The following WDPCP variants were observed in gnomAD, a reference collection of about 807,000 sequenced individuals.
WDPCP encodes WD repeat containing planar cell polarity effector.
Under a neutral mutation model 93.1 loss-of-function variants are expected in WDPCP, and 71 were observed. The observed-to-expected ratio is 0.76, with a 90% confidence interval of 0.63 to 0.93. The LOEUF is 0.93. WDPCP is among the 40% of genes least tolerant of loss of function. The pLI is 0.00. For missense variants in WDPCP, 844 were observed against 887.4 expected (o/e 0.95, Z 0.62); for synonymous variants, 315 against 315.0 (o/e 1.00, Z 0.00).
At chr2:63,274,856 T>C (rs1315712966) in intron 13 of WDPCP, among the ~76,000 whole-genome samples, 1 of 152,166 alleles carries the variant, frequency 6.6e-6, no homozygotes, top group African/African-American at 2.4e-5. Flanking sequence ...TGTTTTATTA[T>C]TGAATTCTAC....
intron 14 of WDPCP, among the ~76,000 whole-genome samples, chr2:63,179,705 A>G (rs192888420): frequency 6.6e-6 from 1 of 151,868 alleles, no homozygotes; most frequent in East Asian, 2.0e-4. Flanking sequence ...CATTTTTTTC[A>G]TTTTCATTTG....
At chr2:63,423,181 A>T (rs1389216048) in intron 9 of WDPCP, among the ~76,000 whole-genome samples, 1 of 152,104 alleles carries the variant, frequency 6.6e-6, no homozygotes, top group Admixed American at 6.5e-5. Context: ...CTATGCATTT[A>T]TTTTGTGTGG....
At chr2:63,465,393 G>C (rs1444170187) in intron 6 of WDPCP, among the ~76,000 whole-genome samples, 1 of 152,094 alleles carries the variant, frequency 6.6e-6, no homozygotes, top group Non-Finnish European at 1.5e-5. Flanking sequence ...CTGCACATCA[G>C]AGAAGTGACA....
chr2:63,305,487 C>CA (rs1315418673), intron 13 of WDPCP, among the ~76,000 whole-genome samples: 3 of 152,160 alleles, frequency 2.0e-5, no homozygotes, highest in Non-Finnish European at 4.4e-5. Flanking sequence ...GGAAAACTAA[C>CA]AAACAGAAAG....
At chr2:63,288,117 G>T (rs1317812523) in intron 13 of WDPCP, among the ~76,000 whole-genome samples, 1 of 152,180 alleles carries the variant, frequency 6.6e-6, no homozygotes, top group Non-Finnish European at 1.5e-5. Flanking sequence ...GGCACAGATG[G>T]CTGGAGAGCA....
intron 14 of WDPCP, among the ~76,000 whole-genome samples, chr2:63,210,875 G>C (rs1037314547): frequency 2.0e-5 from 3 of 152,216 alleles, no homozygotes; most frequent in Non-Finnish European, 4.4e-5. Flanking sequence ...AGCAGTCTGA[G>C]ATCAAACTGC....
chr2:63,280,051 T>C (rs1683405427), intron 13 of WDPCP, among the ~76,000 whole-genome samples: 1 of 152,198 alleles, frequency 6.6e-6, no homozygotes, highest in African/African-American at 2.4e-5. Context: ...ATGGCCATAC[T>C]GTCAAAAGCA....
At chr2:63,235,566 C>A (rs915943439) in intron 14 of WDPCP, among the ~76,000 whole-genome samples, 2 of 152,088 alleles carry the variant, frequency 1.3e-5, no homozygotes, top group African/African-American at 4.8e-5. Flanking sequence ...CACAGGCCAA[C>A]ATCCCTGATG....
At chr2:63,668,801 A>G (rs1710313459) in intron 2 of WDPCP, among the ~76,000 whole-genome samples, 1 of 152,004 alleles carries the variant, frequency 6.6e-6, no homozygotes, top group Non-Finnish European at 1.5e-5. Flanking sequence ...GTTCTCTTCT[A>G]GGTTTATATC....
At chr2:63,181,401 C>A (rs1674229590) in intron 14 of WDPCP, among the ~76,000 whole-genome samples, 2 of 152,024 alleles carry the variant, frequency 1.3e-5, no homozygotes, top group African/African-American at 2.4e-5. Flanking sequence ...CAGTTTCATT[C>A]TTCTGCACAG....
At position 63,423,208 on chromosome 2, in the gene WDPCP, T is replaced by C. The variant is rs139619308; in HGVS notation, c.825+10537A>G. Reference sequence around the variant, plus strand: ...TTTGTGTGGTTTTATGTGTGCTTTATTTTATAATAAAGAGGTTTCTTTAAA... The same window carrying C: ...TTTGTGTGGTTTTATGTGTGCTTTACTTTATAATAAAGAGGTTTCTTTAAA... On this transcript the variant is annotated intron_variant, in intron 9 of 17. Transcript: ENST00000272321. Among the ~76,000 whole-genome samples the C allele has an allele frequency of 3.8e-3, 579 of 152,350 alleles. 4 individuals carry two copies. The highest frequency in any genetic ancestry group is 0.013 in the African/African-American group (542 of 41,570).
At chr2:63,437,623 AC>A (rs1697224835) in intron 7 of WDPCP, 69 bp from the exon 8 acceptor site, 4 of 1,389,838 alleles carry the variant, frequency 2.9e-6, no homozygotes, top group Non-Finnish European at 3.9e-6. Flanking sequence ...CTGATATGTT[AC>A]AAAAAGCTAT....
intron 9 of WDPCP, among the ~76,000 whole-genome samples, chr2:63,418,971 C>T (rs951580557): frequency 6.6e-5 from 10 of 151,994 alleles, no homozygotes; most frequent in African/African-American, 1.4e-4. Flanking sequence ...TTTTGTTTTT[C>T]TTGTTTGTTT....
At chr2:63,638,634 A>T (rs556650720) in intron 3 of WDPCP, among the ~76,000 whole-genome samples, 5 of 152,006 alleles carry the variant, frequency 3.3e-5, no homozygotes, top group Non-Finnish European at 7.4e-5. Context: ...TATAAAATTT[A>T]AAAAATTGAC....
intron 17 of WDPCP, among the ~76,000 whole-genome samples, chr2:63,123,251 C>T (rs537000004): frequency 8.5e-5 from 13 of 152,156 alleles, no homozygotes; most frequent in Admixed American, 2.6e-4. Flanking sequence ...TTCTATACCA[C>T]GAGAATGGTC....
At chr2:63,406,409 G>A (rs1694590330) in intron 9 of WDPCP, among the ~76,000 whole-genome samples, 1 of 152,144 alleles carries the variant, frequency 6.6e-6, no homozygotes, top group African/African-American at 2.4e-5. Flanking sequence ...CCATGTGCCA[G>A]GCACTGGTTC....
chr2:63,788,325 A>G (rs186522788), intron 2 of WDPCP, among the ~76,000 whole-genome samples: 3 of 152,284 alleles, frequency 2.0e-5, no homozygotes, highest in African/African-American at 4.8e-5. Context: ...AGCTAATGCA[A>G]TTTTCCAATA....
At chr2:63,798,016 A>G (rs965572839) in intron 2 of WDPCP, among the ~76,000 whole-genome samples, 4 of 152,192 alleles carry the variant, frequency 2.6e-5, no homozygotes, top group Non-Finnish European at 4.4e-5. Flanking sequence ...GCCAGGAGAG[A>G]GTGGCATGAC....
intron 2 of WDPCP, among the ~76,000 whole-genome samples, chr2:63,806,602 C>T (rs1288534420): frequency 1.3e-5 from 2 of 152,074 alleles, no homozygotes; most frequent in Non-Finnish European, 2.9e-5. Context: ...AGCCTGGGAG[C>T]GCTATGGGAG....
Sources: allele counts gnomAD v4.1 joint callset (sites outside exome capture counted in the v4.1 genomes callset), GRCh38; gene constraint gnomAD v4.1.1; transcripts MANE v1.5; gene names NCBI Gene and HGNC (gene_info 2026-07-23, HGNC 2026-07-21).